The following EXOC4 variants were observed in gnomAD, a reference collection of about 807,000 sequenced individuals.
EXOC4 encodes the protein SEC8-like 1.
Under a neutral mutation model 107.2 loss-of-function variants are expected in EXOC4, and 71 were observed. The ratio of observed to expected loss-of-function variants is 0.66; its 90% confidence interval spans 0.55 to 0.81. The LOEUF (loss-of-function observed/expected upper bound fraction) is 0.81, where lower values mean the gene tolerates loss of function less well. Ranked by LOEUF, EXOC4 falls within the 30% of genes least tolerant of loss-of-function variation. The probability of loss-of-function intolerance (pLI) is 0.00; values close to 1 mark genes in which losing one functional copy is unlikely to be tolerated. For synonymous variants in EXOC4, 456 were observed against 441.2 expected (o/e 1.03, Z -0.42); for missense variants, 1,108 against 1,189.6 (o/e 0.93, Z 1.01).
intron 14 of EXOC4, among the ~76,000 whole-genome samples, chr7:133,952,726 A>G (rs924500175): frequency 6.6e-6 from 1 of 152,300 alleles, no homozygotes; most frequent in East Asian, 1.9e-4. Context: ...GGTGGCCCAT[A>G]TAAGTGGAAT....
chr7:134,068,924 T>G (rs1796225286), downstream of EXOC4, among the ~76,000 whole-genome samples: 1 of 152,292 alleles, frequency 6.6e-6, no homozygotes, highest in African/African-American at 2.4e-5. Flanking sequence ...ACAGCTCAGG[T>G]TGATATGGGA....
chr7:133,826,180 G>A (rs1797698522), intron 11 of EXOC4, among the ~76,000 whole-genome samples: 1 of 152,252 alleles, frequency 6.6e-6, no homozygotes, highest in East Asian at 1.9e-4. Context: ...AGATACCAGA[G>A]CAAATTAAAT....
chr7:134,092,290 A>T, the EXOC4 span, among the ~76,000 whole-genome samples: 2 of 152,180 alleles, frequency 1.3e-5, no homozygotes, highest in South Asian at 2.1e-4. Context: ...AATTAAAAAA[A>T]TTTAAAGAAA....
intron 11 of EXOC4, among the ~76,000 whole-genome samples, chr7:133,851,937 T>G (rs756322382): frequency 2.1e-4 from 32 of 152,180 alleles, no homozygotes; most frequent in South Asian, 4.1e-4. Context: ...GTCGCCATTG[T>G]TTTTCTAAGA....
intron 6 of EXOC4, among the ~76,000 whole-genome samples, chr7:133,369,290 C>T (rs1185562211): frequency 6.6e-6 from 1 of 152,084 alleles, no homozygotes; most frequent in Non-Finnish European, 1.5e-5. Flanking sequence ...CTTCCTTTCT[C>T]CTTTTCTTTT....
intron 10 of EXOC4, among the ~76,000 whole-genome samples, chr7:133,680,845 T>C (rs1035535390): frequency 6.6e-6 from 1 of 152,232 alleles, no homozygotes; most frequent in Admixed American, 6.5e-5. Context: ...ATTGATCTAC[T>C]TCTTCCCTCT....
At chr7:133,622,614 TTA>T (rs902862902) in intron 9 of EXOC4, among the ~76,000 whole-genome samples, 1 of 152,096 alleles carries the variant, frequency 6.6e-6, no homozygotes, top group African/African-American at 2.4e-5. Flanking sequence ...ATCATTATAT[TTA>T]TATATATAGG....
chr7:133,704,817 G>A (rs1342433600), intron 10 of EXOC4, among the ~76,000 whole-genome samples: 2 of 152,168 alleles, frequency 1.3e-5, no homozygotes, highest in South Asian at 2.1e-4. Flanking sequence ...GGTCATGTGT[G>A]GAATTTTCCA....
intron 11 of EXOC4, among the ~76,000 whole-genome samples, chr7:133,848,983 G>A (rs137888251): frequency 9.2e-5 from 14 of 152,186 alleles, no homozygotes; most frequent in East Asian, 1.9e-4. Context: ...CAAAAATACC[G>A]GAATACAAAA....
chr7:134,080,767 C>A, the EXOC4 span, among the ~76,000 whole-genome samples: 1 of 151,728 alleles, frequency 6.6e-6, no homozygotes, highest in Non-Finnish European at 1.5e-5. Context: ...TAGCAAGACC[C>A]TATCTTAAAA....
intron 5 of EXOC4, among the ~76,000 whole-genome samples, chr7:133,346,427 A>T (rs1443632735): frequency 6.6e-6 from 1 of 152,142 alleles, no homozygotes; most frequent in Non-Finnish European, 1.5e-5. Flanking sequence ...CTTGAGTCAG[A>T]TGATTTCTTT....
chr7:133,832,388 G>A (rs1797829117), intron 11 of EXOC4, among the ~76,000 whole-genome samples: 1 of 152,138 alleles, frequency 6.6e-6, no homozygotes, highest in Non-Finnish European at 1.5e-5. Flanking sequence ...AAAATGTTGT[G>A]TGTCTACCAT....
chr7:133,615,868 T>G (rs1802181960), intron 9 of EXOC4, among the ~76,000 whole-genome samples: 1 of 152,208 alleles, frequency 6.6e-6, no homozygotes, highest in Non-Finnish European at 1.5e-5. Flanking sequence ...CACCAATCTT[T>G]AAAGAAATAC....
chr7:133,509,535 C>T (rs1373179251), intron 9 of EXOC4, among the ~76,000 whole-genome samples: 1 of 141,218 alleles, frequency 7.1e-6, no homozygotes. Flanking sequence ...TCCTCTTCCT[C>T]TCTCCCTGGC....
chr7:133,663,598 C>T (rs2151049341), intron 10 of EXOC4, among the ~76,000 whole-genome samples: 1 of 152,276 alleles, frequency 6.6e-6, no homozygotes, highest in East Asian at 1.9e-4. Context: ...GGGATGCCAT[C>T]CTTCCAGTTG....
intron 12 of EXOC4, among the ~76,000 whole-genome samples, chr7:133,903,305 G>C (rs1039329259): frequency 6.6e-6 from 1 of 152,288 alleles, no homozygotes; most frequent in Admixed American, 6.5e-5. Flanking sequence ...TAAATTTTAA[G>C]TATTGAAAAT....
chr7:133,477,015 A>T (rs1799031187), intron 8 of EXOC4, among the ~76,000 whole-genome samples: 1 of 152,148 alleles, frequency 6.6e-6, no homozygotes. Flanking sequence ...TATAGACTTT[A>T]TTTTTTAGAA....
chr7:133,939,888 A>T (rs567692567), intron 14 of EXOC4, among the ~76,000 whole-genome samples: 1 of 152,178 alleles, frequency 6.6e-6, no homozygotes, highest in African/African-American at 2.4e-5. Context: ...TTGTCTCCCA[A>T]ACCCACTCTG....
At chr7:133,489,414 T>A (rs570954003) in intron 9 of EXOC4, among the ~76,000 whole-genome samples, 2 of 152,336 alleles carry the variant, frequency 1.3e-5, no homozygotes, top group East Asian at 3.9e-4. Context: ...TGTTCCTGTT[T>A]AGAAATCGAG....
Sources: gnomAD v4.1 joint callset for allele counts (sites outside exome capture counted in the v4.1 genomes callset) on GRCh38, gnomAD v4.1.1 for gene constraint, MANE v1.5 for transcripts, NCBI Gene and HGNC (gene_info 2026-07-23, HGNC 2026-07-21) for gene names.